The following THSD4 variants were observed in gnomAD, a reference collection of about 807,000 sequenced individuals.
THSD4 encodes thrombospondin type-1 domain-containing protein 4.
A neutral mutation model predicts 119.0 loss-of-function variants in THSD4; 69 were observed. That is an observed-to-expected ratio of 0.58 (90% CI 0.48 to 0.71). The LOEUF is 0.71. Among genes scored for constraint, THSD4 ranks in the 30% least tolerant of loss-of-function variants. The pLI is 0.00. For missense variants in THSD4, 1,393 were observed against 1,391.1 expected (o/e 1.00, Z -0.02); for synonymous variants, 524 against 540.4 (o/e 0.97, Z 0.42).
chr15:71,249,020 T>C (rs1340963992), intron 5 of THSD4, among the ~76,000 whole-genome samples: 1 of 152,156 alleles, frequency 6.6e-6, no homozygotes. Context: ...TGTGCGAGTA[T>C]CAGTGTTTTT....
chr15:71,354,273 C>A (rs141352918), intron 6 of THSD4, among the ~76,000 whole-genome samples: 1 of 152,094 alleles, frequency 6.6e-6, no homozygotes, highest in African/African-American at 2.4e-5. Flanking sequence ...CCAGCCTGAT[C>A]GAGACCTTGT....
In THSD4 at chr15:71,256,682, G is replaced by A. The variant is rs766821833; in HGVS notation, c.982G>A (p.Gly328Ser). The A allele has an allele frequency of 1.4e-5, 22 of 1,613,900 alleles. No individual in the cohort carries two copies. Among genetic ancestry groups the A allele is most frequent in the Non-Finnish European group, 1.9e-5 (22 of 1,179,908 alleles). ...ATCCTACAACAACAAGCCATTCATG[G>A]GCCGGTTTTATGAGTGGGAACCATT... ...CASYNNKPFM[G>S]RFYEWEPFAE... The change falls in exon 6 of 18, where the codon GGC (glycine) becomes AGC (serine). Residue 328 changes from glycine (G) to serine (S), a missense_variant. Transcript: ENST00000261862.
chr15:71,635,184 T>C (rs1008925393), intron 7 of THSD4, among the ~76,000 whole-genome samples: 1 of 152,226 alleles, frequency 6.6e-6, no homozygotes, highest in Admixed American at 6.5e-5. Context: ...ATGTAGGACT[T>C]CATTTTTCTG....
At chr15:71,548,456 A>G (rs976468406) in intron 7 of THSD4, among the ~76,000 whole-genome samples, 12 of 152,216 alleles carry the variant, frequency 7.9e-5, no homozygotes, top group Non-Finnish European at 1.3e-4. Context: ...TTGTCTAAGA[A>G]GAGTGGAAGT....
intron 7 of THSD4, among the ~76,000 whole-genome samples, chr15:71,659,862 A>G (rs2051266760): frequency 6.6e-6 from 1 of 152,158 alleles, no homozygotes; most frequent in Non-Finnish European, 1.5e-5. Flanking sequence ...TCCTTTATAC[A>G]CTGATGAGAC....
intron 6 of THSD4, among the ~76,000 whole-genome samples, chr15:71,367,134 A>G (rs773964357): frequency 1.3e-5 from 2 of 152,098 alleles, no homozygotes; most frequent in Non-Finnish European, 1.5e-5. Flanking sequence ...GGAACAACCC[A>G]TTGTGTTATA....
intron 17 of THSD4, among the ~76,000 whole-genome samples, chr15:71,773,143 G>A (rs1346298648): frequency 6.8e-6 from 1 of 146,282 alleles, no homozygotes; most frequent in Non-Finnish European, 1.5e-5. Flanking sequence ...CAAGGCTGCA[G>A]TGAGGTGCAA....
intron 1 of THSD4, among the ~76,000 whole-genome samples, chr15:71,109,728 A>G (rs2040289756): frequency 7.3e-6 from 1 of 137,536 alleles, no homozygotes; most frequent in African/African-American, 2.9e-5. Context: ...AAACACTAAA[A>G]GAGAAAAAAA....
chr15:71,510,676 T>A (rs56311086), intron 7 of THSD4, among the ~76,000 whole-genome samples: 21,127 of 152,178 alleles, frequency 0.14, 1,793 homozygotes, highest in Non-Finnish European at 0.19. Context: ...GTTTTCTTCG[T>A]AGCCCAGCCT....
At chr15:71,736,462 C>A (rs900983530) in intron 10 of THSD4, among the ~76,000 whole-genome samples, 2 of 142,840 alleles carry the variant, frequency 1.4e-5, no homozygotes, top group Non-Finnish European at 3.1e-5. Context: ...TCTCTCTTGC[C>A]CTCTCTGTCT....
chr15:71,548,873 G>A (rs1398816965), intron 7 of THSD4, among the ~76,000 whole-genome samples: 1 of 152,196 alleles, frequency 6.6e-6, no homozygotes, highest in Non-Finnish European at 1.5e-5. Context: ...ATGCACATAT[G>A]GTCTGGGGAG....
chr15:71,568,957 A>G (rs1050426376), intron 7 of THSD4, among the ~76,000 whole-genome samples: 2 of 152,196 alleles, frequency 1.3e-5, no homozygotes, highest in Non-Finnish European at 2.9e-5. Context: ...TTGTCTATAG[A>G]GTATATGACA....
At chr15:71,184,664 A>T (rs1431684676) in intron 3 of THSD4, among the ~76,000 whole-genome samples, 1 of 151,728 alleles carries the variant, frequency 6.6e-6, no homozygotes, top group East Asian at 1.9e-4. Context: ...AACCCCAGTG[A>T]TGCATATCCT....
intron 7 of THSD4, among the ~76,000 whole-genome samples, chr15:71,625,608 T>C (rs968743980): frequency 6.6e-6 from 1 of 152,222 alleles, no homozygotes; most frequent in Non-Finnish European, 1.5e-5. Flanking sequence ...CCATTACTCT[T>C]AGATGAAAGT....
chr15:71,660,766 C>G (rs1176516379), intron 8 of THSD4, 32 bp downstream of exon 8: 1 of 1,608,350 alleles, frequency 6.2e-7, no homozygotes, highest in Non-Finnish European at 8.5e-7. Flanking sequence ...AGAAAACCGT[C>G]TGTCCCTGCC....
chr15:71,294,778 A>G (rs886674737), intron 6 of THSD4, among the ~76,000 whole-genome samples: 3 of 152,178 alleles, frequency 2.0e-5, no homozygotes, highest in African/African-American at 7.2e-5. Context: ...AAGATCTTCT[A>G]CTAAGATATG....
rs528445185 is a variant in THSD4, at chr15:71,174,355, C to T, written c.99+19423C>T. 7.9e-5 allele frequency among the ~76,000 whole-genome samples: 12 copies of T among 151,600 alleles called. No individual in the cohort carries two copies. The East Asian group carries it at 1.6e-3, about 20-fold the overall frequency. ...GCAAGGGGTCAGGGAGTTCCCTTTCCGAGTCAAAGAAAGGGGTGATGGACG... is the reference window on the plus strand; with the variant it reads ...GCAAGGGGTCAGGGAGTTCCCTTTCTGAGTCAAAGAAAGGGGTGATGGACG... On this transcript the variant is annotated intron_variant, in intron 3 of 17. Coordinates refer to ENST00000261862, the MANE Select transcript of THSD4 (RefSeq NM_024817.3).
chr15:71,112,208 G>T, upstream of THSD4: 1 of 1,613,480 alleles, frequency 6.2e-7, no homozygotes, highest in Non-Finnish European at 8.5e-7. Context: ...ATGTTCTGTG[G>T]GTGTGGCTGT....
At chr15:71,756,611 C>T (rs2053542995) in intron 14 of THSD4, among the ~76,000 whole-genome samples, 2 of 152,028 alleles carry the variant, frequency 1.3e-5, no homozygotes, top group Admixed American at 1.3e-4. Context: ...GGCAAAATCC[C>T]GTCTCTACAA....
Sources: gnomAD v4.1 joint callset for allele counts (sites outside exome capture counted in the v4.1 genomes callset) on GRCh38, gnomAD v4.1.1 for gene constraint, MANE v1.5 for transcripts, NCBI Gene and HGNC (gene_info 2026-07-23, HGNC 2026-07-21) for gene names.